NDUFA6: variants seen among roughly 807,000 people sequenced by gnomAD.
NDUFA6 encodes NADH dehydrogenase [ubiquinone] 1 alpha subcomplex subunit 6.
A neutral mutation model predicts 12.5 loss-of-function variants in NDUFA6; 10 were observed. The observed-to-expected ratio is 0.80, with a 90% CI of 0.49 to 1.35. The LOEUF (loss-of-function observed/expected upper bound fraction) is 1.35. Ranked by LOEUF, NDUFA6 falls within the 40% of genes most tolerant of loss-of-function variation. The pLI, the probability that NDUFA6 is intolerant of heterozygous loss-of-function variation, is 0.00. For synonymous variants in NDUFA6, 66 were observed against 63.0 expected (o/e 1.05, Z -0.23); for missense variants, 177 against 173.5 (o/e 1.02, Z -0.11).
chr22:42,085,989 A>AT lies in NDUFA6; in HGVS notation c.*193dup, dbSNP rs1324544330. On this transcript the variant is annotated 3_prime_UTR_variant, in exon 3 of 3. Coordinates refer to ENST00000498737, the MANE Select transcript of NDUFA6 (RefSeq NM_002490.6). ...GCTCTGAGAAAAATAATTCAATCCA[A>AT]TTTACAGCAAACACCACATTTCAAG... 1.4e-6 allele frequency: 1 copy of AT among 703,408 alleles called. No individual in the cohort carries two copies. Among genetic ancestry groups the AT allele is most frequent in the Non-Finnish European group, 2.4e-6 (1 of 411,150 alleles). 43.6% of individuals were successfully genotyped at this position (703,408 alleles called of 1,614,324 possible). A position where few individuals can be genotyped will look rare whatever the true frequency, so the allele number is the denominator to read the frequency against.
intron 1 of NDUFA6, chr22:42,089,566 T>A (rs1357369436): frequency 6.6e-6 from 1 of 152,100 alleles, no homozygotes; most frequent in Admixed American, 6.6e-5. Context: ...AGAACCGGGT[T>A]CTGCTTGGAA....
intron 2 of NDUFA6, among the ~76,000 whole-genome samples, 196 bp downstream of exon 2, chr22:42,086,864 A>C (rs1297139108): frequency 2.0e-5 from 3 of 152,222 alleles, no homozygotes; most frequent in African/African-American, 7.2e-5. Context: ...GTCCCAGTGG[A>C]TGTTCCCTTG....
At position 42,087,181 on chromosome 22, in the gene NDUFA6, G is replaced by C. The variant is rs772241933; in HGVS notation, c.140-6C>G. 1.3e-6 allele frequency: 2 copies of C among 1,589,904 alleles called. No individual in the cohort carries two copies. Among genetic ancestry groups the C allele is most frequent in the Admixed American group, 3.3e-5 (2 of 59,968 alleles). On this transcript the variant is annotated splice_region_variant and splice_polypyrimidine_tract_variant and intron_variant, in intron 1 of 2. Transcript: ENST00000498737. Reference sequence around the variant, plus strand: ...GTCCAGCTGGAATTGGTGCACTAGAGAGAAAAACATGACTCAGGGTAGAAA... The same window carrying C: ...GTCCAGCTGGAATTGGTGCACTAGACAGAAAAACATGACTCAGGGTAGAAA...
chr22:42,087,228 A>G (rs1928312718), intron 1 of NDUFA6, 53 bp from the exon 2 acceptor site: 1 of 1,321,676 alleles, frequency 7.6e-7, no homozygotes, highest in African/African-American at 1.4e-5. Flanking sequence ...AATAAAACCT[A>G]GAGTCAAATG....
chr22:42,089,068 T>C (rs1928456072), intron 1 of NDUFA6, among the ~76,000 whole-genome samples: 1 of 152,066 alleles, frequency 6.6e-6, no homozygotes, highest in Non-Finnish European at 1.5e-5. Flanking sequence ...TTTGGGACTT[T>C]CTTCCCAAAA....
rs1252080517 is a variant in NDUFA6, at chr22:42,085,901, C to G, written c.*282G>C. The G allele has an allele frequency of 1.9e-6, 1 of 534,890 alleles. No individual in the cohort carries two copies. The highest frequency in any genetic ancestry group is 3.4e-5 in the East Asian group (1 of 29,430). 33.1% of individuals were successfully genotyped at this position (534,890 alleles called of 1,614,324 possible). Reference sequence around the variant, plus strand: ...ACTACATTAACAAGTCGTCCAGCCTCATGCCCAATGTCACAATTTTTGAAC... The same window carrying G: ...ACTACATTAACAAGTCGTCCAGCCTGATGCCCAATGTCACAATTTTTGAAC... On this transcript the variant is annotated 3_prime_UTR_variant, in exon 3 of 3. Transcript: ENST00000498737.
chr22:42,090,203 C>CGG (rs1928547706), intron 1 of NDUFA6, among the ~76,000 whole-genome samples: 1 of 152,104 alleles, frequency 6.6e-6, no homozygotes, highest in Non-Finnish European at 1.5e-5. Flanking sequence ...AAAAATCCAA[C>CGG]GGGCATCTAT....
In NDUFA6 at chr22:42,086,213, T is replaced by G; in HGVS notation, c.357A>C (p.Leu119=). 1.2e-6 allele frequency: 2 copies of G among 1,614,256 alleles called. No homozygotes were observed. Among genetic ancestry groups the G allele is most frequent in the South Asian group, 2.2e-5 (2 of 91,088 alleles). Residue 119 remains leucine (L), a synonymous_variant, in exon 3 of 3, where the codon CTA becomes CTC. Transcript: ENST00000498737. ...GATCGTGGCCAACATAGAACTTGGA[T>G]AGGAAATCCTTTGGCCTTGGCGCTT... ...ETEAPRPKDF[L]SKFYVGHDP
chr22:42,090,323 G>A (rs1345335267), intron 1 of NDUFA6, among the ~76,000 whole-genome samples: 1 of 152,238 alleles, frequency 6.6e-6, no homozygotes, highest in Non-Finnish European at 1.5e-5. Flanking sequence ...CACCCACAAA[G>A]TGAGTGTGTC....
intron 1 of NDUFA6, chr22:42,087,411 T>C (rs1463105934): frequency 5.5e-6 from 3 of 543,334 alleles, no homozygotes; most frequent in African/African-American, 3.8e-5. Context: ...TAAAGCATTG[T>C]TCAAGAGTTT....
At chr22:42,090,076 G>A (rs1989202) in intron 1 of NDUFA6, 7,160 of 172,906 alleles carry the variant, frequency 0.041, 440 homozygotes, top group Admixed American at 0.17. Flanking sequence ...AGCTATTCGG[G>A]AGGCTGAGGC....
chr22:42,089,618 C>T (rs1928498188), intron 1 of NDUFA6: 1 of 152,058 alleles, frequency 6.6e-6, no homozygotes, highest in Non-Finnish European at 1.5e-5. Flanking sequence ...AAAATAACAA[C>T]AAAAACAACG....
In NDUFA6 at chr22:42,090,495, C is replaced by A. The variant is rs576825602; in HGVS notation, c.139+111G>T. 2.2e-5 allele frequency: 29 copies of A among 1,317,436 alleles called. No individual in the cohort carries two copies. In the African/African-American group the frequency reaches 3.9e-4, roughly 18 times the overall value. The allele number at this position is 1,317,436 out of a possible 1,614,324, so 81.6% of individuals were successfully genotyped here. On this transcript the variant is annotated intron_variant, in intron 1 of 2. Coordinates refer to ENST00000498737, the MANE Select transcript of NDUFA6 (RefSeq NM_002490.6). ...CCTCTTCCCCTGAAGCACCCGCAGT[C>A]GCCTCTGCCCAAGTTGGTGACCTCA...
chr22:42,088,535 A>G (rs1928415841), intron 1 of NDUFA6, among the ~76,000 whole-genome samples: 1 of 152,200 alleles, frequency 6.6e-6, no homozygotes, highest in South Asian at 2.1e-4. Flanking sequence ...CCTGGCCAAC[A>G]TGGTGAAACC....
chr22:42,088,106 C>CAAAAA (rs1182424559), intron 1 of NDUFA6, among the ~76,000 whole-genome samples: 3 of 39,628 alleles, frequency 7.6e-5, no homozygotes, highest in East Asian at 8.1e-4. Flanking sequence ...GACTGTGTCT[C>CAAAAA]AAAAAAAAAA....
intron 1 of NDUFA6, among the ~76,000 whole-genome samples, chr22:42,088,122 A>G (rs186378818): frequency 0.028 from 3,727 of 134,412 alleles, 163 homozygotes; most frequent in African/African-American, 0.098. Context: ...AAAAAAAAAA[A>G]AAAGGCTGGG....
Position 42,090,646 on chromosome 22 carries a change from G to C in NDUFA6, c.99C>G (p.Arg33=). The C allele has an allele frequency of 6.2e-7, 1 of 1,614,100 alleles. No homozygotes were observed. The highest frequency in any genetic ancestry group is 8.5e-7 in the Non-Finnish European group (1 of 1,180,046). ...CCCGATACCAGGCGCGGTAGAGCTC[G>C]CGCACCCTCCGCTTGGCCTCGTTCA... The part of the protein sequence containing the change: ...RDMNEAKRRV[R]ELYRAWYREV... Residue 33 remains arginine (R), a synonymous_variant, in exon 1 of 3, where the codon CGC becomes CGG. Coordinates refer to ENST00000498737, the MANE Select transcript of NDUFA6 (RefSeq NM_002490.6).
In NDUFA6 at chr22:42,086,052, C is replaced by A; in HGVS notation, c.*131G>T. The A allele has an allele frequency of 8.2e-7, 1 of 1,223,894 alleles. No homozygotes were observed. Among genetic ancestry groups the A allele is most frequent in the South Asian group, 1.2e-5 (1 of 82,794 alleles). The allele number at this position is 1,223,894 out of a possible 1,614,324, so 75.8% of individuals were successfully genotyped here. ...ACAGGTGATGTGTATACCAAGGTCCCACTTGCTCAGGCAAAAAGAGGCTGC... is the reference window on the plus strand; with the variant it reads ...ACAGGTGATGTGTATACCAAGGTCCAACTTGCTCAGGCAAAAAGAGGCTGC... On this transcript the variant is annotated 3_prime_UTR_variant, in exon 3 of 3. Coordinates refer to ENST00000498737, the MANE Select transcript of NDUFA6 (RefSeq NM_002490.6).
chr22:42,087,174 C>T lies in NDUFA6; in HGVS notation c.141G>A (p.Val47=), dbSNP rs1288891451. The change falls in exon 2 of 3, where the codon GTG becomes GTA. Residue 47 remains valine (V), a splice_region_variant and synonymous_variant. Transcript: ENST00000498737. ...RAWYREVPNT[V]HQFQLDITVK... ...CAGTGATGTCCAGCTGGAATTGGTG[C>T]ACTAGAGAGAAAAACATGACTCAGG... 10 of 1,604,822 alleles carry T rather than the reference C, an allele frequency of 6.2e-6. No individual in the cohort carries two copies. The highest frequency in any genetic ancestry group is 8.5e-6 in the Non-Finnish European group (10 of 1,171,734).
Sources: allele counts gnomAD v4.1 joint callset (sites outside exome capture counted in the v4.1 genomes callset), GRCh38; gene constraint gnomAD v4.1.1; transcripts MANE v1.5; gene names NCBI Gene and HGNC (gene_info 2026-07-23, HGNC 2026-07-21).